RABGEF1: variants seen among roughly 807,000 people sequenced by gnomAD.
The protein encoded by RABGEF1 is RAB guanine nucleotide exchange factor 1.
RABGEF1 carries 26 observed loss-of-function variants against 57.3 expected under a neutral mutation model. The ratio of observed to expected loss-of-function variants is 0.45; its 90% CI spans 0.33 to 0.63. The LOEUF is 0.63. RABGEF1 is among the 20% of genes least tolerant of loss of function. The pLI is 0.02. For missense variants in RABGEF1, 464 were observed against 607.6 expected (o/e 0.76, Z 2.48); for synonymous variants, 185 against 210.7 (o/e 0.88, Z 1.06).
intron 4 of RABGEF1, among the ~76,000 whole-genome samples, chr7:66,788,722 T>G (rs999169234): frequency 2.0e-5 from 3 of 152,294 alleles, no homozygotes; most frequent in African/African-American, 7.2e-5. Context: ...CTCACGCTTG[T>G]AATCCTAGCA....
At position 66,810,392 on chromosome 7, in the gene RABGEF1, G is replaced by C. The variant is rs958773308; in HGVS notation, c.*1108G>C. ...TTAGGTGCCAGTAGCACCCCCGCTA[G>C]AGCTGTGAAAAATTCTCTCCAGACA... On this transcript the variant is annotated 3_prime_UTR_variant, in exon 9 of 9. Coordinates refer to ENST00000284957, the MANE Select transcript of RABGEF1 (RefSeq NM_014504.3). 1 of 152,154 alleles carries C rather than the reference G, an allele frequency of 6.6e-6. No homozygotes were observed. Among genetic ancestry groups the C allele is most frequent in the African/African-American group, 2.4e-5 (1 of 41,436 alleles). The allele number at this position is 152,154 out of a possible 1,614,324, so 9.4% of individuals were successfully genotyped here.
At chr7:66,702,343 TTGTTTGTGTGTGTGTG>T (rs772428123) in intron 1 of RABGEF1, among the ~76,000 whole-genome samples, 1 of 127,284 alleles carries the variant, frequency 7.9e-6, no homozygotes, top group East Asian at 2.3e-4. Context: ...GGCTATTGTT[TTGTTTGTGTGTGTGTG>T]TGTGTGTGTG....
At chr7:66,776,121 T>C (rs1328233672) in intron 3 of RABGEF1, among the ~76,000 whole-genome samples, 2 of 152,172 alleles carry the variant, frequency 1.3e-5, no homozygotes, top group Admixed American at 1.3e-4. Context: ...ATGTTGGTAC[T>C]CAGAGTTATG....
At chr7:66,738,030 T>TTTTTTTTTTTTTG (rs1562756395), upstream of RABGEF1, among the ~76,000 whole-genome samples, 32 of 146,860 alleles carry the variant, frequency 2.2e-4, no homozygotes, top group African/African-American at 7.3e-4. Flanking sequence ...TTTGTTTTTT[T>TTTTTTTTTTTTTG]TTTTTTTTGA....
At chr7:66,730,061 C>T (rs767046021) in intron 2 of RABGEF1, among the ~76,000 whole-genome samples, 1 of 152,240 alleles carries the variant, frequency 6.6e-6, no homozygotes, top group Non-Finnish European at 1.5e-5. Context: ...GTGCCATAGA[C>T]TCAGGGTGGC....
chr7:66,722,859 T>C (rs543096031), intron 2 of RABGEF1, among the ~76,000 whole-genome samples: 39 of 152,374 alleles, frequency 2.6e-4, no homozygotes, highest in African/African-American at 9.1e-4. Context: ...ACACTGAATC[T>C]GTACATCATT....
At chr7:66,729,436 A>G (rs1797049818) in intron 2 of RABGEF1, among the ~76,000 whole-genome samples, 1 of 151,586 alleles carries the variant, frequency 6.6e-6, no homozygotes, top group Non-Finnish European at 1.5e-5. Flanking sequence ...CCTCCCGTCT[A>G]TTCTCCTCTC....
intron 6 of RABGEF1, 98 bp from the exon 7 acceptor site, chr7:66,799,225 C>T: frequency 1.1e-6 from 1 of 874,972 alleles, no homozygotes. Context: ...ATTGAGTGGT[C>T]AGTGATGCCT....
chr7:66,667,842 G>C, the RABGEF1 span, among the ~76,000 whole-genome samples: 24 of 152,072 alleles, frequency 1.6e-4, no homozygotes, highest in Non-Finnish European at 3.5e-4. Flanking sequence ...CTGTCGCCCA[G>C]GCTGGAGTGC....
chr7:66,754,066 A>G (rs1802124932), intron 1 of RABGEF1, among the ~76,000 whole-genome samples: 1 of 143,908 alleles, frequency 6.9e-6, no homozygotes, highest in Non-Finnish European at 1.5e-5. Context: ...GCTGTGGCGC[A>G]ATCTTGGCTT....
chr7:66,672,446 A>C, the RABGEF1 span, among the ~76,000 whole-genome samples: 1 of 152,142 alleles, frequency 6.6e-6, no homozygotes, highest in Admixed American at 6.5e-5. Flanking sequence ...AAACAAACAA[A>C]AAAACAAAAC....
the RABGEF1 span, among the ~76,000 whole-genome samples, chr7:66,662,257 T>C: frequency 6.8e-6 from 1 of 147,792 alleles, no homozygotes; most frequent in South Asian, 2.1e-4. Context: ...AAAAAAAAAA[T>C]TGAGTTCAAG....
intron 2 of RABGEF1, among the ~76,000 whole-genome samples, chr7:66,734,597 A>ATT (rs550927387): frequency 6.8e-4 from 81 of 119,710 alleles, no homozygotes; most frequent in African/African-American, 2.0e-3. Context: ...TGCCTGGCTA[A>ATT]TTTTTTTTTT....
At chr7:66,671,619 C>G in the RABGEF1 span, among the ~76,000 whole-genome samples, 2 of 152,092 alleles carry the variant, frequency 1.3e-5, no homozygotes, top group African/African-American at 4.8e-5. Context: ...CTCTGTTGTT[C>G]CTGTCACTTA....
chr7:66,689,033 C>T (rs561745654), intron 1 of RABGEF1, among the ~76,000 whole-genome samples: 3 of 152,228 alleles, frequency 2.0e-5, no homozygotes, highest in Admixed American at 2.0e-4. Flanking sequence ...AGGGAGGTTG[C>T]AGTGAGCCGA....
chr7:66,706,123 C>T (rs1355772346), intron 1 of RABGEF1, among the ~76,000 whole-genome samples: 4 of 151,086 alleles, frequency 2.6e-5, no homozygotes, highest in South Asian at 2.1e-4. Context: ...AGGATGGTCT[C>T]GATCTCCTGA....
At chr7:66,719,635 C>T (rs1437421087) in intron 2 of RABGEF1, among the ~76,000 whole-genome samples, 2 of 152,060 alleles carry the variant, frequency 1.3e-5, no homozygotes, top group African/African-American at 4.8e-5. Flanking sequence ...ACAATACTTC[C>T]CAAGTAATTT....
upstream of RABGEF1, among the ~76,000 whole-genome samples, chr7:66,680,835 A>G (rs1789661372): frequency 6.6e-6 from 1 of 152,044 alleles, no homozygotes; most frequent in Non-Finnish European, 1.5e-5. Flanking sequence ...TAATCCTAGC[A>G]CTTTGGAAGG....
the RABGEF1 span, among the ~76,000 whole-genome samples, chr7:66,674,981 G>A: frequency 1.3e-5 from 2 of 151,584 alleles, no homozygotes; most frequent in Non-Finnish European, 2.9e-5. Flanking sequence ...AGGGCTAGAT[G>A]TCATATTTTT....
Sources: gnomAD v4.1 joint callset for allele counts (sites outside exome capture counted in the v4.1 genomes callset) on GRCh38, gnomAD v4.1.1 for gene constraint, MANE v1.5 for transcripts, NCBI Gene and HGNC (gene_info 2026-07-23, HGNC 2026-07-21) for gene names.